The following SH2D6 variants were observed in gnomAD, a reference collection of about 807,000 sequenced individuals.
The protein encoded by SH2D6 is SH2 domain containing 6.
In SH2D6, 31 loss-of-function variants were observed where a neutral mutation model predicts 30.2. The observed-to-expected ratio is 1.03, with a 90% CI of 0.77 to 1.38. The LOEUF is 1.38. Ranked by LOEUF, SH2D6 falls within the 40% of genes most tolerant of loss-of-function variation. The probability of loss-of-function intolerance (pLI) is 0.00; values close to 1 mark genes in which losing one functional copy is unlikely to be tolerated. For synonymous variants in SH2D6, 93 were observed against 104.6 expected (o/e 0.89, Z 0.68); for missense variants, 240 against 266.8 (o/e 0.90, Z 0.70).
rs745438002 is a variant in SH2D6 at position 85,435,445 on chromosome 2, G to A, written c.681G>A (p.Ser227=). The change falls in exon 21 of 24, where the codon TCG becomes TCA. Residue 227 remains serine (S), a synonymous_variant. Coordinates refer to ENST00000469800, the MANE Select transcript of SH2D6 (RefSeq NM_001394463.1). ...ATCTGCTGACTCAGCCTTGGTACTC[G>A]GGGAACTGTGACCGCTATGCTGTTG... is the stretch of plus-strand genomic sequence containing the variant. ...DSDLLTQPWY[S]GNCDRYAVES... is the part of the protein sequence containing the mutation. 3.3e-5 allele frequency: 54 copies of A among 1,613,758 alleles called. 1 individual carries two copies. Among genetic ancestry groups the A allele is most frequent in the East Asian group, 4.5e-5 (2 of 44,890 alleles).
At position 85,435,836 on chromosome 2, in the gene SH2D6, A is replaced by G; in HGVS notation, c.891+12A>G. 6.3e-7 allele frequency: 1 copy of G among 1,575,988 alleles called. No homozygotes were observed. The highest frequency in any genetic ancestry group is 8.6e-7 in the Non-Finnish European group (1 of 1,161,192). ...GGAACCGTGAGGAGGTGGGAGCTGG[A>G]GGAGGCAGGGGCCTAAGGAGGGACC... On this transcript the variant is annotated intron_variant, in intron 22 of 23. Coordinates refer to ENST00000469800, the MANE Select transcript of SH2D6 (RefSeq NM_001394463.1).
At chr2:85,428,853 A>G (rs191533922) in intron 7 of SH2D6, among the ~76,000 whole-genome samples, 156 bp downstream of exon 7, 1 of 152,334 alleles carries the variant, frequency 6.6e-6, no homozygotes, top group African/African-American at 2.4e-5. Context: ...CAATGAGGAA[A>G]CACACGTAAT....
At position 85,435,143 on chromosome 2, in the gene SH2D6, A is replaced by C. The variant is rs759272373; in HGVS notation, c.648+20A>C. 5.6e-6 allele frequency: 9 copies of C among 1,605,614 alleles called. No homozygotes were observed. Among genetic ancestry groups the C allele is most frequent in the Admixed American group, 3.4e-5 (2 of 59,280 alleles). ...GCTGAGGTGAGGAGGGGCTGGGAGC[A>C]GGCTGTAGGGAGAGGTTCCGGGAGC... On this transcript the variant is annotated intron_variant, in intron 20 of 23. Transcript: ENST00000469800.
intron 5 of SH2D6, among the ~76,000 whole-genome samples, chr2:85,424,790 G>A (rs1378305066): frequency 6.6e-6 from 1 of 150,478 alleles, no homozygotes; most frequent in East Asian, 2.0e-4. Flanking sequence ...AGTCCTGGCT[G>A]GGCTTGTTGG....
In SH2D6 at chr2:85,426,785, G is replaced by A. The variant is rs1357651656; in HGVS notation, c.-209+1378G>A. Reference sequence around the variant, plus strand: ...CAGCAAATTAATCAAACCCAAAGAGGAGGTTGTGGGAACCCCAGCTTGAAG... The same window carrying A: ...CAGCAAATTAATCAAACCCAAAGAGAAGGTTGTGGGAACCCCAGCTTGAAG... On this transcript the variant is annotated intron_variant, in intron 6 of 23. Transcript: ENST00000469800. 4.6e-5 allele frequency among the ~76,000 whole-genome samples: 7 copies of A among 152,252 alleles called. No individual in the cohort carries two copies. The East Asian group carries it at 1.3e-3, about 29-fold the overall frequency.
chr2:85,421,825 C>G (rs1187374950), intron 2 of SH2D6: 1 of 152,214 alleles, frequency 6.6e-6, no homozygotes, highest in Non-Finnish European at 1.5e-5. Context: ...AATGTACACT[C>G]CAGATAAGAA....
intron 6 of SH2D6, among the ~76,000 whole-genome samples, chr2:85,425,889 C>A (rs901314601): frequency 1.3e-4 from 20 of 152,328 alleles, no homozygotes; most frequent in Admixed American, 1.2e-3. Flanking sequence ...GGTTCAGAGT[C>A]TGGCACGGGG....
At chr2:85,421,592 A>G (rs888725197) in intron 2 of SH2D6, 1 of 152,276 alleles carries the variant, frequency 6.6e-6, no homozygotes, top group African/African-American at 2.4e-5. Flanking sequence ...CCGTGAACCT[A>G]GCAGACACAG....
rs553832515 is a variant in SH2D6 at position 85,434,351 on chromosome 2, C to T, written c.545C>T (p.Ala182Val). ...TTTGCTTCCCACAGGCCTACCACAG[C>T]CCCCCAGGAAACTCGGAATGTAAGA... ...RTSVVPRPTT[A>V]PQETRNGTAD... Residue 182 changes from alanine (A) to valine (V), a missense_variant, in exon 18 of 24, where the codon GCC (alanine) becomes GTC (valine). By Grantham distance (64) the Ala-to-Val change is moderately conservative (BLOSUM62 0). Coordinates refer to ENST00000469800, the MANE Select transcript of SH2D6 (RefSeq NM_001394463.1). 4.5e-6 allele frequency: 7 copies of T among 1,548,198 alleles called. No homozygotes were observed. The African/African-American group carries it at 5.5e-5, about 12-fold the overall frequency.
At chr2:85,433,887 G>C in intron 16 of SH2D6, 146 bp from the exon 17 acceptor site, 1 of 772,798 alleles carries the variant, frequency 1.3e-6, no homozygotes, top group Non-Finnish European at 2.1e-6. Flanking sequence ...GGCCAGGACA[G>C]CATCTGCCTC....
At chr2:85,427,779 G>T (rs1688182627) in intron 6 of SH2D6, among the ~76,000 whole-genome samples, 1 of 152,096 alleles carries the variant, frequency 6.6e-6, no homozygotes, top group South Asian at 2.1e-4. Flanking sequence ...TTGTTTTTTT[G>T]GTTTTTCCCT....
intron 2 of SH2D6, chr2:85,421,911 A>C (rs776813260): frequency 2.0e-5 from 3 of 152,168 alleles, no homozygotes; most frequent in Admixed American, 2.0e-4. Flanking sequence ...CCCACACCCA[A>C]CCTCACCTGT....
At chr2:85,435,357 C>T in intron 20 of SH2D6, 56 bp from the exon 21 acceptor site, 1 of 1,578,642 alleles carries the variant, frequency 6.3e-7, no homozygotes, top group Non-Finnish European at 8.7e-7. Flanking sequence ...GTCCTCGGCT[C>T]CGCATGCCTG....
chr2:85,433,804 C>T (rs1423144835), intron 16 of SH2D6, among the ~76,000 whole-genome samples, 173 bp downstream of exon 16: 3 of 152,258 alleles, frequency 2.0e-5, no homozygotes, highest in Non-Finnish European at 2.9e-5. Context: ...GTGGTCCAGG[C>T]TGACCCACAC....
In SH2D6 at chr2:85,430,808, T is replaced by A. The variant is rs991660099; in HGVS notation, c.250+156T>A. 1.0e-4 allele frequency among the ~76,000 whole-genome samples: 9 copies of A among 89,190 alleles called. No individual in the cohort carries two copies. The highest frequency in any genetic ancestry group is 4.0e-4 in the African/African-American group (9 of 22,554). 58.5% of individuals were successfully genotyped at this position (89,190 alleles called of 152,430 possible). On this transcript the variant is annotated intron_variant, in intron 12 of 23. Coordinates refer to ENST00000469800, the MANE Select transcript of SH2D6 (RefSeq NM_001394463.1). This position sits in a 1 kb window ranked among gnomAD's most constrained non-coding sequence, Gnocchi z 4.3. ...CTGGCAGTCACCAGGGCCTCTTGGC[T>A]GGGCAGGGAGAGAGAGAGGGATGAA...
chr2:85,419,056 G>A lies in SH2D6; in HGVS notation c.-765G>A, dbSNP rs903969532. 6.6e-6 allele frequency: 1 copy of A among 152,456 alleles called. No homozygotes were observed. The highest frequency in any genetic ancestry group is 1.5e-5 in the Non-Finnish European group (1 of 68,214). The allele number at this position is 152,456 out of a possible 1,614,324, so 9.4% of individuals were successfully genotyped here. A position where few individuals can be genotyped will look rare whatever the true frequency, so the allele number is the denominator to read the frequency against. ...CAAACTCCCATTCCTGGAAGGAGGAGCAGCCCAGACCCTGAGACTGGACTA... is the reference window on the plus strand; with the variant it reads ...CAAACTCCCATTCCTGGAAGGAGGAACAGCCCAGACCCTGAGACTGGACTA... On this transcript the variant is annotated 5_prime_UTR_variant, in exon 2 of 24. Transcript: ENST00000469800.
intron 6 of SH2D6, among the ~76,000 whole-genome samples, chr2:85,426,433 G>A (rs1412375708): frequency 6.6e-6 from 1 of 152,096 alleles, no homozygotes; most frequent in Non-Finnish European, 1.5e-5. Context: ...CCTTTCACCC[G>A]CCTAAGGCCG....
At chr2:85,427,095 T>A (rs900322012) in intron 6 of SH2D6, among the ~76,000 whole-genome samples, 3 of 152,242 alleles carry the variant, frequency 2.0e-5, no homozygotes, top group African/African-American at 7.2e-5. Flanking sequence ...TTGAGTTTTA[T>A]CTAAACACCA....
At chr2:85,432,946 G>A in intron 14 of SH2D6, 153 bp from the exon 15 acceptor site, 2 of 469,482 alleles carry the variant, frequency 4.3e-6, no homozygotes, top group South Asian at 1.8e-4. Context: ...ATCAGGGGAT[G>A]AGAAAAGCTT....
Sources: gnomAD v4.1 joint callset for allele counts (sites outside exome capture counted in the v4.1 genomes callset) on GRCh38, gnomAD v4.1.1 for gene constraint, Gnocchi (gnomAD v3.1) non-coding constraint, MANE v1.5 for transcripts, NCBI Gene and HGNC (gene_info 2026-07-23, HGNC 2026-07-21) for gene names.